IQGAP1: variants seen among roughly 807,000 people sequenced by gnomAD.
The protein encoded by IQGAP1 is IQ motif containing GTPase activating protein 1.
A neutral mutation model predicts 215.6 loss-of-function variants in IQGAP1; 66 were observed. That is an observed-to-expected ratio of 0.31 (90% confidence interval 0.25 to 0.38). The LOEUF is 0.38. IQGAP1 is among the 10% of genes least tolerant of loss of function. IQGAP1 has a pLI of 1.00. For missense variants in IQGAP1, 1,712 were observed against 1,997.1 expected (o/e 0.86, Z 2.72); for synonymous variants, 772 against 728.7 (o/e 1.06, Z -0.96).
intron 2 of IQGAP1, among the ~76,000 whole-genome samples, chr15:90,419,620 C>G (rs752761945): frequency 3.9e-5 from 6 of 152,118 alleles, no homozygotes; most frequent in Admixed American, 1.3e-4. Context: ...AGTTTTGTTA[C>G]TGAACTCTAC....
chr15:90,499,143 C>A (rs1484419834), intron 37 of IQGAP1, among the ~76,000 whole-genome samples: 2 of 152,146 alleles, frequency 1.3e-5, no homozygotes, highest in Non-Finnish European at 2.9e-5. Context: ...GACTTTTGAC[C>A]CTTGCTTTCT....
chr15:90,425,484 T>C (rs1159905261), intron 2 of IQGAP1, among the ~76,000 whole-genome samples: 2 of 152,172 alleles, frequency 1.3e-5, no homozygotes, highest in Non-Finnish European at 2.9e-5. Flanking sequence ...TTTTTTTCTT[T>C]GTTTTATTCT....
At chr15:90,402,385 G>A (rs1484829320) in intron 2 of IQGAP1, among the ~76,000 whole-genome samples, 1 of 152,194 alleles carries the variant, frequency 6.6e-6, no homozygotes, top group Admixed American at 6.5e-5. Context: ...TTTTGGGGTT[G>A]TGGGAGGAGG....
chr15:90,472,706 G>A (rs573824963), intron 18 of IQGAP1, 134 bp from the exon 19 acceptor site: 2 of 772,834 alleles, frequency 2.6e-6, no homozygotes, highest in East Asian at 2.7e-5. Context: ...CTTTATTCCT[G>A]TTATGTAGCT....
intron 37 of IQGAP1, among the ~76,000 whole-genome samples, chr15:90,498,069 G>A (rs964967958): frequency 1.9e-4 from 9 of 46,346 alleles, no homozygotes; most frequent in African/African-American, 5.9e-4. Flanking sequence ...TCCCAACCCC[G>A]CCCCTTTTGT....
rs142517811 is a variant in IQGAP1 at position 90,493,018 on chromosome 15, G to T, written c.4628+307G>T. Among the ~76,000 whole-genome samples, 1,197 of 152,244 alleles carry T rather than the reference G, an allele frequency of 7.9e-3. 14 individuals are homozygous for T. Among genetic ancestry groups the T allele is most frequent in the African/African-American group, 0.027 (1,142 of 41,534 alleles). On this transcript the variant is annotated intron_variant, in intron 35 of 37. Transcript: ENST00000268182. Reference sequence around the variant, plus strand: ...AGCACTTTGGGAGGCCGAGGCGGGTGTGTCACTTGATGTCAGGAGTTCAAG... The same window carrying T: ...AGCACTTTGGGAGGCCGAGGCGGGTTTGTCACTTGATGTCAGGAGTTCAAG...
intron 2 of IQGAP1, among the ~76,000 whole-genome samples, chr15:90,414,231 C>A (rs563347285): frequency 1.3e-5 from 2 of 150,774 alleles, no homozygotes; most frequent in African/African-American, 4.9e-5. Context: ...GAGAAGGGGG[C>A]GGGGAGGGAG....
At chr15:90,462,204 CAT>C (rs1336034351) in intron 15 of IQGAP1, among the ~76,000 whole-genome samples, 2 of 152,140 alleles carry the variant, frequency 1.3e-5, no homozygotes, top group African/African-American at 2.4e-5. Context: ...CTCTGACCTC[CAT>C]GTGTGTATAT....
At position 90,409,235 on chromosome 15, in the gene IQGAP1, C is replaced by CTTT. The variant is rs138296381; in HGVS notation, c.156-16856_156-16854dup. 5.9e-5 allele frequency among the ~76,000 whole-genome samples: 7 copies of CTTT among 118,436 alleles called. No homozygotes were observed. In the South Asian group the frequency reaches 8.4e-4, roughly 14 times the overall value. 77.7% of individuals were successfully genotyped at this position (118,436 alleles called of 152,430 possible). Reference sequence around the variant, plus strand: ...TTTCAAGGAAAATTTCCTATATTCACTTTTTTTTTTTTTTTTTTTTTAGAT... The same window carrying CTTT: ...TTTCAAGGAAAATTTCCTATATTCACTTTTTTTTTTTTTTTTTTTTTTTTAGAT... On this transcript the variant is annotated intron_variant, in intron 2 of 37. Coordinates refer to ENST00000268182, the MANE Select transcript of IQGAP1 (RefSeq NM_003870.4).
At chr15:90,421,892 C>A (rs1178187815) in intron 2 of IQGAP1, among the ~76,000 whole-genome samples, 1 of 152,164 alleles carries the variant, frequency 6.6e-6, no homozygotes, top group East Asian at 1.9e-4. Context: ...AATTCCTGAC[C>A]TCAAGTGATC....
rs34550575 is a variant in IQGAP1, at chr15:90,457,595, A to ATT, written c.1776+1297_1776+1298dup. ...GCGAGAGCCACCATGCCTGGCTAAA[A>ATT]TTTTTTTTTTTTTTTTTTGTATTTT... On this transcript the variant is annotated intron_variant, in intron 15 of 37. Transcript: ENST00000268182. 5.0e-3 allele frequency among the ~76,000 whole-genome samples: 651 copies of ATT among 131,304 alleles called. 5 individuals carry two copies. The highest frequency in any genetic ancestry group is 9.4e-3 in the Admixed American group (122 of 12,960). 86.1% of individuals were successfully genotyped at this position (131,304 alleles called of 152,430 possible). A position where few individuals can be genotyped will look rare whatever the true frequency, so the allele number is the denominator to read the frequency against.
intron 1 of IQGAP1, 52 bp downstream of exon 1, chr15:90,388,448 C>T (rs1382327234): frequency 1.5e-6 from 2 of 1,307,764 alleles, no homozygotes; most frequent in Non-Finnish European, 2.0e-6. Context: ...TAATTGCAGA[C>T]GAGGCGCGAT....
At chr15:90,389,264 C>T (rs142808207) in intron 1 of IQGAP1, among the ~76,000 whole-genome samples, 22 of 151,436 alleles carry the variant, frequency 1.5e-4, no homozygotes, top group East Asian at 7.8e-4. Flanking sequence ...ATAAAAGATG[C>T]TGAACTTACT....
chr15:90,431,082 A>G (rs1475175271), intron 4 of IQGAP1: 1 of 148,938 alleles, frequency 6.7e-6, no homozygotes, highest in African/African-American at 2.4e-5. Flanking sequence ...TACAACATGT[A>G]ATTATATATT....
intron 23 of IQGAP1, 127 bp downstream of exon 23, chr15:90,474,820 T>G: frequency 1.5e-6 from 1 of 663,850 alleles, no homozygotes; most frequent in Non-Finnish European, 2.6e-6. Context: ...TAAGAGCTTT[T>G]TTTTTTTCTT....
At chr15:90,481,310 C>A (rs561192686) in intron 26 of IQGAP1, among the ~76,000 whole-genome samples, 2 of 136,842 alleles carry the variant, frequency 1.5e-5, no homozygotes, top group South Asian at 4.7e-4. Flanking sequence ...CAAGGTCTTG[C>A]TCAAGCAGTC....
chr15:90,428,549 T>C (rs1324101881), intron 3 of IQGAP1, among the ~76,000 whole-genome samples: 1 of 151,166 alleles, frequency 6.6e-6, no homozygotes, highest in Non-Finnish European at 1.5e-5. Context: ...GAGGCTGAGG[T>C]GGGAGCCCTC....
rs148297887 is a variant in IQGAP1, at chr15:90,496,251, G to A, written c.4752-981G>A. Among the ~76,000 whole-genome samples the A allele has an allele frequency of 2.8e-3, 412 of 146,434 alleles. 2 individuals carry two copies. Among genetic ancestry groups the A allele is most frequent in the African/African-American group, 9.9e-3 (392 of 39,632 alleles). On this transcript the variant is annotated intron_variant, in intron 36 of 37. Transcript: ENST00000268182. ...TAATAGGTAAGGCAGCTCCATAGTT[G>A]AGTTCTGGAAATCTGGGGTGCTATA...
chr15:90,484,633 C>T (rs993969240), intron 30 of IQGAP1, among the ~76,000 whole-genome samples: 1 of 152,090 alleles, frequency 6.6e-6, no homozygotes, highest in Non-Finnish European at 1.5e-5. Flanking sequence ...CTCAGCCTCC[C>T]GAGTAGCTGG....
Sources: allele counts gnomAD v4.1 joint callset (sites outside exome capture counted in the v4.1 genomes callset), GRCh38; gene constraint gnomAD v4.1.1; transcripts MANE v1.5; gene names NCBI Gene and HGNC (gene_info 2026-07-23, HGNC 2026-07-21).